Variants in GALNT18 observed in about 807,000 individuals in gnomAD.
GALNT18 encodes GalNAc-transferase 18.
GALNT18 carries 44 observed loss-of-function variants against 69.5 expected under a neutral mutation model. That is an observed-to-expected ratio of 0.63 (90% confidence interval 0.50 to 0.81). The LOEUF (loss-of-function observed/expected upper bound fraction) is 0.81, where lower values mean the gene tolerates loss of function less well. Among genes scored for constraint, GALNT18 ranks in the 40% least tolerant of loss-of-function variants. The pLI is 0.00. For missense variants in GALNT18, 715 were observed against 810.0 expected (o/e 0.88, Z 1.42); for synonymous variants, 364 against 318.2 (o/e 1.14, Z -1.53).
intron 1 of GALNT18, among the ~76,000 whole-genome samples, chr11:11,578,118 A>G (rs182006784): frequency 6.6e-6 from 1 of 152,284 alleles, no homozygotes; most frequent in Admixed American, 6.5e-5. Context: ...CCTCAGCCAG[A>G]CACAGAGGAG....
chr11:11,482,659 C>T (rs956418111), intron 1 of GALNT18, among the ~76,000 whole-genome samples: 1 of 152,200 alleles, frequency 6.6e-6, no homozygotes, highest in Non-Finnish European at 1.5e-5. Context: ...AAATCAGAAA[C>T]ATGGCTACTG....
chr11:11,386,527 G>A (rs192542099), intron 3 of GALNT18, among the ~76,000 whole-genome samples: 12 of 152,242 alleles, frequency 7.9e-5, no homozygotes, highest in African/African-American at 1.7e-4. Context: ...TGACCTATAC[G>A]CATAATGTGT....
chr11:11,503,031 G>C (rs1246724394), intron 1 of GALNT18, among the ~76,000 whole-genome samples: 1 of 152,124 alleles, frequency 6.6e-6, no homozygotes, highest in South Asian at 2.1e-4. Flanking sequence ...GGAAGAAGAG[G>C]GCTTCCTGCC....
intron 9 of GALNT18, among the ~76,000 whole-genome samples, chr11:11,322,766 G>C (rs748840998): frequency 2.6e-5 from 4 of 152,172 alleles, no homozygotes; most frequent in Non-Finnish European, 4.4e-5. Flanking sequence ...CTGTCACAAA[G>C]TGCCACAGAC....
Position 11,618,833 on chromosome 11 carries a change from T to C in GALNT18, c.235+2526A>G, listed in dbSNP as rs1247680040. Among the ~76,000 whole-genome samples the C allele has an allele frequency of 6.6e-6, 1 of 152,224 alleles. No individual in the cohort carries two copies. Among genetic ancestry groups the C allele is most frequent in the African/African-American group, 2.4e-5 (1 of 41,456 alleles). On this transcript the variant is annotated intron_variant, in intron 1 of 10. Transcript: ENST00000227756. The surrounding 1 kb of genome is among the most constrained non-coding windows in gnomAD (Gnocchi z 6.1). ...AGGTGCTATGTTATTTTAGCTCTTA[T>C]TATTATTACCGCTTATTCCCTCCAG...
Position 11,435,113 on chromosome 11 carries a change from C to G in GALNT18, c.429-2326G>C, listed in dbSNP as rs1367049647. Among the ~76,000 whole-genome samples, 1 of 152,216 alleles carries G rather than the reference C, an allele frequency of 6.6e-6. No individual in the cohort carries two copies. The highest frequency in any genetic ancestry group is 2.4e-5 in the African/African-American group (1 of 41,460). On this transcript the variant is annotated intron_variant, in intron 2 of 10. Transcript: ENST00000227756. The surrounding 1 kb of genome is among the most constrained non-coding windows in gnomAD (Gnocchi z 4.4). ...TGGATTGGCACAAGTTCACTGTCCT[C>G]CCTACTAAAACTCCACCAGCAATGA...
intron 6 of GALNT18, among the ~76,000 whole-genome samples, chr11:11,360,648 T>C (rs1393858905): frequency 6.6e-6 from 1 of 152,268 alleles, no homozygotes; most frequent in Middle Eastern, 3.4e-3. Flanking sequence ...ATGGCCTCCA[T>C]CACAGGGTTT....
chr11:11,385,783 A>T (rs1854042417), intron 3 of GALNT18, among the ~76,000 whole-genome samples: 1 of 152,162 alleles, frequency 6.6e-6, no homozygotes, highest in Non-Finnish European at 1.5e-5. Context: ...CATATGCTGA[A>T]ATCTGAAACC....
At chr11:11,275,672 C>T (rs148985954) in intron 10 of GALNT18, among the ~76,000 whole-genome samples, 1 of 151,892 alleles carries the variant, frequency 6.6e-6, no homozygotes, top group Non-Finnish European at 1.5e-5. Flanking sequence ...CTAGGTCTTA[C>T]ATTTAAGTCT....
intron 1 of GALNT18, among the ~76,000 whole-genome samples, chr11:11,567,089 G>C (rs1337567254): frequency 6.6e-6 from 1 of 152,214 alleles, no homozygotes; most frequent in Non-Finnish European, 1.5e-5. Context: ...CAGCCAGCCA[G>C]TATGGAATTT....
chr11:11,621,790 C>G lies in GALNT18; in HGVS notation c.-197G>C. 1 of 594,112 alleles carries G rather than the reference C, an allele frequency of 1.7e-6. No individual in the cohort carries two copies. The highest frequency in any genetic ancestry group is 3.0e-6 in the Non-Finnish European group (1 of 334,146). The allele number at this position is 594,112 out of a possible 1,614,324, so 36.8% of individuals were successfully genotyped here. On this transcript the variant is annotated 5_prime_UTR_variant, in exon 1 of 11. Transcript: ENST00000227756. The surrounding 1 kb of genome is among the most constrained non-coding windows in gnomAD (Gnocchi z 9.3). The stretch of plus-strand genomic sequence containing the variant: ...TTTGCAGCTCCTGCCGCTGGCCACC[C>G]GGAGAGACCTTGACAAAGGAAACCA...
At position 11,299,896 on chromosome 11, in the gene GALNT18, A is replaced by C. The variant is rs187866500; in HGVS notation, c.1513-6703T>G. Reference sequence around the variant, plus strand: ...AGAACTAAAAGTGGAACTACAATTTATGTATTTTTCAATCATCCAATCCCC... The same window carrying C: ...AGAACTAAAAGTGGAACTACAATTTCTGTATTTTTCAATCATCCAATCCCC... On this transcript the variant is annotated intron_variant, in intron 9 of 10. Transcript: ENST00000227756. 4.0e-3 allele frequency among the ~76,000 whole-genome samples: 607 copies of C among 152,328 alleles called. 4 individuals are homozygous for C. The highest frequency in any genetic ancestry group is 0.014 in the African/African-American group (580 of 41,568).
chr11:11,450,649 C>G (rs991465714), intron 1 of GALNT18, among the ~76,000 whole-genome samples: 2 of 152,194 alleles, frequency 1.3e-5, no homozygotes, highest in East Asian at 3.8e-4. Flanking sequence ...CCTCTCCGGG[C>G]CACGTCCTCC....
intron 1 of GALNT18, among the ~76,000 whole-genome samples, chr11:11,554,707 T>A (rs892725445): frequency 1.3e-5 from 2 of 152,188 alleles, no homozygotes; most frequent in Non-Finnish European, 2.9e-5. Flanking sequence ...TTTTGGGAAC[T>A]GATGCTATCT....
chr11:11,484,367 C>A (rs551132274), intron 1 of GALNT18, among the ~76,000 whole-genome samples: 2 of 151,862 alleles, frequency 1.3e-5, no homozygotes, highest in South Asian at 2.1e-4. Flanking sequence ...CCGAGGTGGG[C>A]GGATCACCTG....
chr11:11,280,673 G>A (rs1165715776), intron 10 of GALNT18, among the ~76,000 whole-genome samples: 1 of 152,148 alleles, frequency 6.6e-6, no homozygotes, highest in Admixed American at 6.5e-5. Flanking sequence ...GCCCTCCTTT[G>A]AACAAGCTCT....
intron 10 of GALNT18, among the ~76,000 whole-genome samples, chr11:11,273,154 T>G (rs532780174): frequency 6.6e-6 from 1 of 152,310 alleles, no homozygotes; most frequent in South Asian, 2.1e-4. Flanking sequence ...AACAATTTCT[T>G]GAGACAGACC....
At chr11:11,462,895 T>TG (rs1016624558) in intron 1 of GALNT18, among the ~76,000 whole-genome samples, 4 of 152,150 alleles carry the variant, frequency 2.6e-5, no homozygotes, top group African/African-American at 9.7e-5. Context: ...AAAGGCAATC[T>TG]GCTCAAAGAA....
rs539444085 is a variant in GALNT18, at chr11:11,573,126, T to G, written c.235+48233A>C. Among the ~76,000 whole-genome samples, 9 of 152,278 alleles carry G rather than the reference T, an allele frequency of 5.9e-5. No individual in the cohort carries two copies. In the East Asian group the frequency reaches 1.7e-3, roughly 29 times the overall value. ...AGTGGACACTGGGTCTGAATTCACA[T>G]TGAACTGGTTCCAAAACCCTGCCTT... On this transcript the variant is annotated intron_variant, in intron 1 of 10. Coordinates refer to ENST00000227756, the MANE Select transcript of GALNT18 (RefSeq NM_198516.3). This position sits in a 1 kb window ranked among gnomAD's most constrained non-coding sequence, Gnocchi z 4.6.
Sources: allele counts gnomAD v4.1 joint callset (sites outside exome capture counted in the v4.1 genomes callset), GRCh38; gene constraint gnomAD v4.1.1; non-coding constraint Gnocchi (gnomAD v3.1); transcripts MANE v1.5; gene names NCBI Gene and HGNC (gene_info 2026-07-23, HGNC 2026-07-21).